The following YAP1 variants were observed in gnomAD, a reference collection of about 807,000 sequenced individuals.
YAP1 encodes Yes1 associated transcriptional regulator.
YAP1 carries 5 observed loss-of-function variants against 56.9 expected under a neutral mutation model. The observed-to-expected ratio is 0.09, with a 90% CI of 0.05 to 0.18. The LOEUF is 0.18. YAP1 is among the 10% of genes least tolerant of loss of function. YAP1 has a pLI of 1.00. For synonymous variants in YAP1, 265 were observed against 248.1 expected (o/e 1.07, Z -0.64); for missense variants, 539 against 651.8 (o/e 0.83, Z 1.88).
intron 2 of YAP1, among the ~76,000 whole-genome samples, chr11:102,129,229 T>C (rs1944229449): frequency 6.6e-6 from 1 of 150,642 alleles, no homozygotes; most frequent in Non-Finnish European, 1.5e-5. Flanking sequence ...ATTGTTGATG[T>C]CATAGAATAA....
At chr11:102,179,511 C>T (rs1044998110) in intron 3 of YAP1, among the ~76,000 whole-genome samples, 1 of 152,062 alleles carries the variant, frequency 6.6e-6, no homozygotes, top group Admixed American at 6.5e-5. Context: ...TTATTCTGCC[C>T]CATCCACAGG....
intron 2 of YAP1, among the ~76,000 whole-genome samples, chr11:102,140,700 G>A (rs1333426278): frequency 3.3e-5 from 5 of 152,056 alleles, no homozygotes; most frequent in East Asian, 1.9e-4. Context: ...AAAATTAGCC[G>A]GGCGTGGTTG....
Position 102,232,899 on chromosome 11 carries a change from G to A in YAP1, c.*2959G>A, listed in dbSNP as rs1950478074. 1 of 152,344 alleles carries A rather than the reference G, an allele frequency of 6.6e-6. No homozygotes were observed. Among genetic ancestry groups the A allele is most frequent in the African/African-American group, 2.4e-5 (1 of 41,428 alleles). 9.4% of individuals were successfully genotyped at this position (152,344 alleles called of 1,614,324 possible). ...GCCTTTAAAGGAAAAATGAACACAGGGAAGTGACTTTGCTACAAATAATGT... is the reference window on the plus strand; with the variant it reads ...GCCTTTAAAGGAAAAATGAACACAGAGAAGTGACTTTGCTACAAATAATGT... On this transcript the variant is annotated 3_prime_UTR_variant, in exon 9 of 9. Coordinates refer to ENST00000282441, the MANE Select transcript of YAP1 (RefSeq NM_001130145.3).
intron 4 of YAP1, among the ~76,000 whole-genome samples, chr11:102,200,744 T>C (rs1479485345): frequency 1.3e-5 from 2 of 152,122 alleles, no homozygotes; most frequent in Non-Finnish European, 2.9e-5. Flanking sequence ...CATGCCTGGC[T>C]AAGAATAAGT....
At chr11:102,170,030 G>A (rs1381109469) in intron 3 of YAP1, among the ~76,000 whole-genome samples, 1 of 152,156 alleles carries the variant, frequency 6.6e-6, no homozygotes, top group African/African-American at 2.4e-5. Context: ...TCTAGTATGG[G>A]AGTTCTTCTG....
intron 3 of YAP1, among the ~76,000 whole-genome samples, chr11:102,163,196 A>G (rs544057262): frequency 2.0e-5 from 3 of 152,202 alleles, no homozygotes; most frequent in African/African-American, 7.2e-5. Context: ...TTATTTGGCA[A>G]TTTACTTGAA....
At chr11:102,134,600 T>C (rs1944563602) in intron 2 of YAP1, among the ~76,000 whole-genome samples, 1 of 151,618 alleles carries the variant, frequency 6.6e-6, no homozygotes, top group Non-Finnish European at 1.5e-5. Context: ...TTAACCACTC[T>C]CCAGGTTAAT....
chr11:102,181,407 C>T (rs1197057129), intron 3 of YAP1, among the ~76,000 whole-genome samples: 1 of 152,132 alleles, frequency 6.6e-6, no homozygotes, highest in African/African-American at 2.4e-5. Context: ...GATTGCGCCA[C>T]TGCACTCCAG....
At chr11:102,159,416 T>G (rs920552820) in intron 2 of YAP1, among the ~76,000 whole-genome samples, 1 of 152,250 alleles carries the variant, frequency 6.6e-6, no homozygotes, top group Non-Finnish European at 1.5e-5. Context: ...GTTCCTTGCC[T>G]TCAAACCTGT....
chr11:102,219,841 G>A (rs561256227), intron 6 of YAP1, among the ~76,000 whole-genome samples: 116 of 151,928 alleles, frequency 7.6e-4, no homozygotes, highest in African/African-American at 2.7e-3. Context: ...TCAGCTCACT[G>A]CAACCTCAGC....
intron 3 of YAP1, among the ~76,000 whole-genome samples, chr11:102,171,088 T>A (rs997552524): frequency 9.2e-5 from 14 of 152,288 alleles, no homozygotes; most frequent in African/African-American, 2.9e-4. Context: ...CAACTTTTCT[T>A]CAGTGATTAT....
chr11:102,157,236 GA>G (rs1368731503), intron 2 of YAP1, among the ~76,000 whole-genome samples: 4 of 152,136 alleles, frequency 2.6e-5, no homozygotes, highest in African/African-American at 7.2e-5. Flanking sequence ...CATAATCACT[GA>G]ATTTTTGAGG....
Position 102,181,652 on chromosome 11 carries a change from A to C in YAP1, c.689-4366A>C, listed in dbSNP as rs372501013. On this transcript the variant is annotated intron_variant, in intron 3 of 8. Transcript: ENST00000282441. Reference sequence around the variant, plus strand: ...CTGCCCTTGTGGTGCCTGTTTTGTCATGGTAGATTTGCCTAATCCTAGCAG... The same window carrying C: ...CTGCCCTTGTGGTGCCTGTTTTGTCCTGGTAGATTTGCCTAATCCTAGCAG... Among the ~76,000 whole-genome samples the C allele has an allele frequency of 9.8e-5, 15 of 152,296 alleles. No homozygotes were observed. In the South Asian group the frequency reaches 2.5e-3, roughly 25 times the overall value.
chr11:102,119,331 A>T (rs1943506965), intron 2 of YAP1, among the ~76,000 whole-genome samples: 1 of 152,160 alleles, frequency 6.6e-6, no homozygotes, highest in South Asian at 2.1e-4. Context: ...GGGAAAAATA[A>T]TGGAATTTTT....
intron 2 of YAP1, among the ~76,000 whole-genome samples, chr11:102,134,467 C>G (rs1281854515): frequency 6.8e-6 from 1 of 146,234 alleles, no homozygotes; most frequent in Non-Finnish European, 1.5e-5. Context: ...TTTTTTTAAT[C>G]TATGAAAAAT....
At chr11:102,220,230 T>A (rs1014736535) in intron 6 of YAP1, among the ~76,000 whole-genome samples, 2 of 151,802 alleles carry the variant, frequency 1.3e-5, no homozygotes, top group African/African-American at 4.8e-5. Flanking sequence ...AGAAAAGAAA[T>A]GGACTTCCCT....
intron 3 of YAP1, among the ~76,000 whole-genome samples, chr11:102,180,294 G>T (rs1947515830): frequency 6.6e-6 from 1 of 152,016 alleles, no homozygotes; most frequent in Non-Finnish European, 1.5e-5. Flanking sequence ...CTAATTAGTA[G>T]ATCCTATACT....
intron 4 of YAP1, among the ~76,000 whole-genome samples, chr11:102,195,537 G>A (rs1474983384): frequency 6.6e-6 from 1 of 152,050 alleles, no homozygotes; most frequent in East Asian, 1.9e-4. Context: ...ACATGTTGTG[G>A]GAGGGACCAG....
At chr11:102,155,522 C>G (rs1029380936) in intron 2 of YAP1, among the ~76,000 whole-genome samples, 2 of 152,166 alleles carry the variant, frequency 1.3e-5, no homozygotes, top group African/African-American at 4.8e-5. Context: ...GGTTCCTTGA[C>G]TGTTTGTATT....
Sources: allele counts gnomAD v4.1 joint callset (sites outside exome capture counted in the v4.1 genomes callset), GRCh38; gene constraint gnomAD v4.1.1; transcripts MANE v1.5; gene names NCBI Gene and HGNC (gene_info 2026-07-23, HGNC 2026-07-21).